Variants in STX8 observed in about 807,000 individuals in gnomAD.
STX8 encodes syntaxin-8.
STX8 carries 23 observed loss-of-function variants against 37.5 expected under a neutral mutation model. The ratio of observed to expected loss-of-function variants is 0.61; its 90% CI spans 0.44 to 0.87. STX8 has a LOEUF of 0.87. STX8 is among the 40% of genes least tolerant of loss of function. STX8 has a pLI of 0.00. For synonymous variants in STX8, 115 were observed against 99.1 expected (o/e 1.16, Z -0.95); for missense variants, 313 against 284.7 (o/e 1.10, Z -0.71).
chr17:9,315,499 A>G (rs1358472454), intron 7 of STX8, among the ~76,000 whole-genome samples: 1 of 152,058 alleles, frequency 6.6e-6, no homozygotes, highest in African/African-American at 2.4e-5. Flanking sequence ...CTAAGTCTCC[A>G]CCCCAGAGGG....
chr17:9,274,751 C>CTTTTT (rs377159395), intron 7 of STX8, among the ~76,000 whole-genome samples: 4 of 78,642 alleles, frequency 5.1e-5, no homozygotes, highest in Non-Finnish European at 7.5e-5. Context: ...TTTCTTTTTT[C>CTTTTT]TTTTTTTTTT....
chr17:9,385,801 C>T lies in STX8; in HGVS notation c.542-7148G>A, dbSNP rs74784439. Reference sequence around the variant, plus strand: ...TTTTGTTTTTTGAGGTGGCATCTTGCTCTATTACCACCCTGGAGCTGGAGT... The same window carrying T: ...TTTTGTTTTTTGAGGTGGCATCTTGTTCTATTACCACCCTGGAGCTGGAGT... On this transcript the variant is annotated intron_variant, in intron 6 of 7. Coordinates refer to ENST00000306357, the MANE Select transcript of STX8 (RefSeq NM_004853.3). 5.5e-3 allele frequency among the ~76,000 whole-genome samples: 839 copies of T among 152,292 alleles called. 3 individuals are homozygous for T. The highest frequency in any genetic ancestry group is 0.019 in the African/African-American group (810 of 41,562).
intron 4 of STX8, among the ~76,000 whole-genome samples, chr17:9,521,165 T>C (rs1395740963): frequency 6.6e-6 from 1 of 152,134 alleles, no homozygotes; most frequent in African/African-American, 2.4e-5. Flanking sequence ...CTGGCAACAA[T>C]ACGCAGACTG....
intron 2 of STX8, among the ~76,000 whole-genome samples, chr17:9,562,049 A>C (rs1314028050): frequency 6.6e-6 from 1 of 152,092 alleles, no homozygotes; most frequent in Non-Finnish European, 1.5e-5. Flanking sequence ...AAACAGCAAA[A>C]ACTTAGATAT....
chr17:9,472,451 C>T (rs563886489), intron 6 of STX8, among the ~76,000 whole-genome samples: 1 of 152,198 alleles, frequency 6.6e-6, no homozygotes, highest in Admixed American at 6.5e-5. Flanking sequence ...GGACCCCCAC[C>T]GTAGCCTCCA....
At chr17:9,262,504 TAACTC>T (rs1392002562) in intron 7 of STX8, among the ~76,000 whole-genome samples, 1 of 152,224 alleles carries the variant, frequency 6.6e-6, no homozygotes, top group African/African-American at 2.4e-5. Flanking sequence ...TTCCTGCAAA[TAACTC>T]AACATCACTC....
chr17:9,523,699 ATAAAG>A (rs748269856), intron 4 of STX8, among the ~76,000 whole-genome samples: 3 of 152,314 alleles, frequency 2.0e-5, no homozygotes, highest in Non-Finnish European at 2.9e-5. Flanking sequence ...CACTCATTTT[ATAAAG>A]TAAAGGTAAA....
At chr17:9,365,334 T>C (rs557773734) in intron 7 of STX8, among the ~76,000 whole-genome samples, 6 of 152,382 alleles carry the variant, frequency 3.9e-5, no homozygotes, top group Non-Finnish European at 7.3e-5. Context: ...CCACTGGAGA[T>C]AATCCCAGCT....
chr17:9,537,262 G>A (rs1312149474), intron 4 of STX8, among the ~76,000 whole-genome samples: 7 of 152,240 alleles, frequency 4.6e-5, no homozygotes, highest in African/African-American at 1.4e-4. Flanking sequence ...TGAGTATACA[G>A]AAAGACTACA....
At chr17:9,441,406 C>T (rs1282752935) in intron 6 of STX8, among the ~76,000 whole-genome samples, 5 of 149,784 alleles carry the variant, frequency 3.3e-5, no homozygotes, top group Non-Finnish European at 7.4e-5. Flanking sequence ...TGGAGAATCA[C>T]TTGAACCCAG....
At chr17:9,477,049 G>C (rs1270065752) in intron 6 of STX8, among the ~76,000 whole-genome samples, 3 of 151,774 alleles carry the variant, frequency 2.0e-5, no homozygotes, top group African/African-American at 7.3e-5. Flanking sequence ...GTAGAGATGG[G>C]GTCTCCCTGT....
chr17:9,279,555 C>G (rs1446558801), intron 7 of STX8, among the ~76,000 whole-genome samples: 2 of 152,150 alleles, frequency 1.3e-5, no homozygotes, highest in Non-Finnish European at 2.9e-5. Context: ...TAAGGTTGTA[C>G]AGAAGTAGAA....
intron 3 of STX8, among the ~76,000 whole-genome samples, chr17:9,547,861 T>TGGCTCACTGCAACCTC (rs1294492951): frequency 1.3e-5 from 2 of 150,472 alleles, no homozygotes; most frequent in Non-Finnish European, 3.0e-5. Context: ...GTTGCAACCT[T>TGGCTCACTGCAACCTC]GGCTCACTGC....
chr17:9,484,661 C>A (rs371952793), intron 6 of STX8, among the ~76,000 whole-genome samples: 396 of 131,306 alleles, frequency 3.0e-3, no homozygotes, highest in Middle Eastern at 3.8e-3. Context: ...ACTAAAAATA[C>A]AAAAAAAAAA....
intron 7 of STX8, among the ~76,000 whole-genome samples, chr17:9,333,798 G>C (rs912754016): frequency 3.9e-5 from 6 of 152,154 alleles, no homozygotes; most frequent in Admixed American, 3.3e-4. Flanking sequence ...AAACATGGAA[G>C]ACATAGAAAT....
At chr17:9,451,502 G>A (rs1905039656) in intron 6 of STX8, among the ~76,000 whole-genome samples, 1 of 152,078 alleles carries the variant, frequency 6.6e-6, no homozygotes, top group Non-Finnish European at 1.5e-5. Context: ...CCCTGCTAGG[G>A]TTCGTGGTGT....
chr17:9,336,575 G>A (rs4239101), intron 7 of STX8, among the ~76,000 whole-genome samples: 149,354 of 152,138 alleles, frequency 0.98, 73,363 homozygotes, highest in Middle Eastern at 1. Flanking sequence ...TGCTGGGACT[G>A]CAGGCGCCCG....
At chr17:9,305,718 G>C (rs954657150) in intron 7 of STX8, 5 of 147,142 alleles carry the variant, frequency 3.4e-5, no homozygotes, top group Non-Finnish European at 4.4e-5. Flanking sequence ...GCCCTATACA[G>C]GTCCCCTATA....
At chr17:9,253,253 A>C (rs1417301941) in intron 7 of STX8, among the ~76,000 whole-genome samples, 3 of 93,380 alleles carry the variant, frequency 3.2e-5, no homozygotes, top group African/African-American at 1.1e-4. Context: ...TGAATATCTT[A>C]GTCCATCTGC....
Sources: gnomAD v4.1 joint callset for allele counts (sites outside exome capture counted in the v4.1 genomes callset) on GRCh38, gnomAD v4.1.1 for gene constraint, MANE v1.5 for transcripts, NCBI Gene and HGNC (gene_info 2026-07-23, HGNC 2026-07-21) for gene names.